The following TCAIM variants were observed in gnomAD, a reference collection of about 807,000 sequenced individuals.
The protein encoded by TCAIM is T cell activation inhibitor, mitochondrial.
A neutral mutation model predicts 58.6 loss-of-function variants in TCAIM; 36 were observed. That is an observed-to-expected ratio of 0.61 (90% CI 0.47 to 0.81). TCAIM has a LOEUF of 0.81. Ranked by LOEUF, TCAIM falls within the 30% of genes least tolerant of loss-of-function variation. The pLI is 0.00. For missense variants in TCAIM, 466 were observed against 579.6 expected, an observed-to-expected ratio of 0.80 and a Z score of 2.01; for synonymous variants, 172 against 193.6, an observed-to-expected ratio of 0.89 and a Z score of 0.93.
At chr3:44,398,634 A>G (rs1002264218) in intron 8 of TCAIM, among the ~76,000 whole-genome samples, 2 of 152,216 alleles carry the variant, frequency 1.3e-5, no homozygotes, top group African/African-American at 4.8e-5. Flanking sequence ...ATTCTGGAAA[A>G]AGATTATAAT....
intron 5 of TCAIM, among the ~76,000 whole-genome samples, chr3:44,374,096 C>A (rs1169917212): frequency 1.3e-5 from 2 of 152,056 alleles, no homozygotes; most frequent in Admixed American, 1.3e-4. Flanking sequence ...TCATGAAATA[C>A]CATGTTGGAC....
intron 3 of TCAIM, among the ~76,000 whole-genome samples, chr3:44,360,336 G>A (rs1701275504): frequency 6.6e-6 from 1 of 151,694 alleles, no homozygotes; most frequent in South Asian, 2.1e-4. Flanking sequence ...CCTACTATTA[G>A]AGAACACCCT....
At chr3:44,367,739 T>C in intron 5 of TCAIM, 31 bp downstream of exon 5, 2 of 1,549,698 alleles carry the variant, frequency 1.3e-6, no homozygotes, top group Non-Finnish European at 1.7e-6. Flanking sequence ...AACTAAACTG[T>C]ATTTGTAGTT....
intron 4 of TCAIM, 123 bp downstream of exon 4, chr3:44,361,641 T>C (rs1575248652): frequency 2.0e-6 from 2 of 1,008,212 alleles, no homozygotes; most frequent in East Asian, 5.7e-5. Context: ...AGCATTTAAT[T>C]GATTGTTTTC....
intron 1 of TCAIM, among the ~76,000 whole-genome samples, chr3:44,352,923 CTTTTTTT>C (rs61357631): frequency 1.5e-5 from 2 of 131,750 alleles, no homozygotes; most frequent in African/African-American, 5.6e-5. Flanking sequence ...AGATTGACTT[CTTTTTTT>C]TTTTTTTTTG....
chr3:44,396,600 A>G, intron 7 of TCAIM, 103 bp downstream of exon 7: 2 of 1,442,032 alleles, frequency 1.4e-6, no homozygotes, highest in Non-Finnish European at 1.9e-6. Context: ...GAACTTTTAA[A>G]TCTGTTCTTT....
chr3:44,338,361 G>A (rs1176673197), upstream of TCAIM: 1 of 152,426 alleles, frequency 6.6e-6, no homozygotes, highest in Non-Finnish European at 1.5e-5. Flanking sequence ...GCGCGGCGAA[G>A]GTGCAGCAGT....
intron 6 of TCAIM, 82 bp from the exon 7 acceptor site, chr3:44,396,318 A>G: frequency 8.7e-7 from 1 of 1,150,978 alleles, no homozygotes; most frequent in Non-Finnish European, 1.2e-6. Flanking sequence ...TGGCTTTCCA[A>G]GGACTCCAGT....
intron 4 of TCAIM, among the ~76,000 whole-genome samples, chr3:44,366,249 A>G (rs952976699): frequency 2.0e-5 from 3 of 151,776 alleles, no homozygotes; most frequent in Non-Finnish European, 2.9e-5. Flanking sequence ...AATTTAGATT[A>G]CTTACCTTAG....
chr3:44,401,111 T>C, intron 9 of TCAIM, 92 bp from the exon 10 acceptor site: 1 of 1,520,278 alleles, frequency 6.6e-7, no homozygotes, highest in Non-Finnish European at 8.8e-7. Flanking sequence ...TGATGATTTT[T>C]TTTTATTTTC....
At chr3:44,364,550 G>A (rs1004370661) in intron 4 of TCAIM, among the ~76,000 whole-genome samples, 3 of 152,080 alleles carry the variant, frequency 2.0e-5, no homozygotes, top group Non-Finnish European at 4.4e-5. Context: ...AGACCAGCCT[G>A]GGCAACATAG....
chr3:44,389,457 A>G (rs976214157), intron 5 of TCAIM, among the ~76,000 whole-genome samples: 1 of 152,230 alleles, frequency 6.6e-6, no homozygotes, highest in African/African-American at 2.4e-5. Context: ...ATTTGAATCT[A>G]TGTTGCAAAA....
At chr3:44,381,134 A>G (rs1701648625) in intron 5 of TCAIM, among the ~76,000 whole-genome samples, 3 of 152,210 alleles carry the variant, frequency 2.0e-5, no homozygotes, top group Non-Finnish European at 4.4e-5. Context: ...TTACCCTGAT[A>G]CTAAAGGCAG....
chr3:44,395,795 A>G (rs768144651), intron 6 of TCAIM, among the ~76,000 whole-genome samples: 1 of 152,210 alleles, frequency 6.6e-6, no homozygotes, highest in Non-Finnish European at 1.5e-5. Flanking sequence ...GACCAGCCTA[A>G]GCAACATGGT....
In TCAIM at chr3:44,338,776, A is replaced by T. The variant is rs1700784583; in HGVS notation, c.-103A>T. 1 of 152,260 alleles carries T rather than the reference A, an allele frequency of 6.6e-6. No homozygotes were observed. The highest frequency in any genetic ancestry group is 1.9e-4 in the East Asian group (1 of 5,184). 9.4% of individuals were successfully genotyped at this position (152,260 alleles called of 1,614,324 possible). On this transcript the variant is annotated 5_prime_UTR_variant, in exon 1 of 11. Transcript: ENST00000342649. The stretch of plus-strand genomic sequence containing the variant: ...GAGCGACTGTCCTCCCTTCTGGTGT[A>T]CTGGGTGGGAGGTGGAACTAGTCGG...
chr3:44,392,206 C>A (rs1701849340), intron 5 of TCAIM, among the ~76,000 whole-genome samples: 1 of 152,094 alleles, frequency 6.6e-6, no homozygotes. Context: ...GTTCTCCAAG[C>A]AACTTATTTT....
intron 3 of TCAIM, 61 bp from the exon 4 acceptor site, chr3:44,361,304 A>G: frequency 3.5e-6 from 5 of 1,416,212 alleles, no homozygotes; most frequent in Non-Finnish European, 4.8e-6. Context: ...TTAGATAGAT[A>G]TCATTTCTGA....
chr3:44,372,504 A>C (rs535293643), intron 5 of TCAIM, among the ~76,000 whole-genome samples: 5 of 152,350 alleles, frequency 3.3e-5, no homozygotes, highest in Admixed American at 3.3e-4. Context: ...ATAGTTCAGA[A>C]GTAGCATAAA....
At chr3:44,398,445 T>TTAGATAGATAGA (rs58163075) in intron 8 of TCAIM, among the ~76,000 whole-genome samples, 1,461 of 145,330 alleles carry the variant, frequency 0.01, 9 homozygotes, top group Non-Finnish European at 0.013. Flanking sequence ...GATACAAAGA[T>TTAGATAGATAGA]TAGATAGATA....
Sources: gnomAD v4.1 joint callset for allele counts (sites outside exome capture counted in the v4.1 genomes callset) on GRCh38, gnomAD v4.1.1 for gene constraint, MANE v1.5 for transcripts, NCBI Gene and HGNC (gene_info 2026-07-23, HGNC 2026-07-21) for gene names.